Variants in AGMO observed in about 807,000 individuals in gnomAD.
AGMO encodes the protein alkylglycerol monooxygenase.
In AGMO, 75 loss-of-function variants were observed where a neutral mutation model predicts 60.2. The observed-to-expected ratio is 1.25, with a 90% CI of 1.03 to 1.51. The LOEUF (loss-of-function observed/expected upper bound fraction) is 1.51, where lower values mean the gene tolerates loss of function less well. Among genes scored for constraint, AGMO ranks in the 40% most tolerant of loss-of-function variants. AGMO has a pLI of 0.00. For synonymous variants in AGMO, 261 were observed against 177.1 expected (o/e 1.47, Z -3.76); for missense variants, 763 against 525.5 (o/e 1.45, Z -4.42).
chr7:15,376,215 G>A (rs1384669154), intron 10 of AGMO, among the ~76,000 whole-genome samples: 2 of 151,310 alleles, frequency 1.3e-5, no homozygotes, highest in Admixed American at 1.3e-4. Flanking sequence ...ACGTAACTTA[G>A]TTACCACCGA....
At chr7:15,266,219 T>G (rs1054752838) in intron 12 of AGMO, among the ~76,000 whole-genome samples, 2 of 152,026 alleles carry the variant, frequency 1.3e-5, no homozygotes, top group Non-Finnish European at 2.9e-5. Context: ...ATAGGTATTG[T>G]TTAATAGGGA....
chr7:15,381,519 A>G (rs1413187117), intron 10 of AGMO, among the ~76,000 whole-genome samples: 1 of 152,134 alleles, frequency 6.6e-6, no homozygotes, highest in African/African-American at 2.4e-5. Flanking sequence ...TAAAAACTCA[A>G]AAAATAACAT....
At chr7:15,228,160 C>T (rs2128498734) in intron 12 of AGMO, among the ~76,000 whole-genome samples, 1 of 152,014 alleles carries the variant, frequency 6.6e-6, no homozygotes, top group East Asian at 1.9e-4. Flanking sequence ...TATTTCTCTC[C>T]ACAGGAAATT....
At chr7:15,168,451 C>A in the AGMO span, among the ~76,000 whole-genome samples, 4 of 152,220 alleles carry the variant, frequency 2.6e-5, no homozygotes, top group Admixed American at 1.3e-4. Context: ...TAGGGCACCA[C>A]CTGGTCAGCC....
At chr7:15,252,553 C>G (rs1472337909) in intron 12 of AGMO, among the ~76,000 whole-genome samples, 3 of 152,150 alleles carry the variant, frequency 2.0e-5, no homozygotes, top group Admixed American at 6.6e-5. Flanking sequence ...GGCTCTCACT[C>G]TAATCCTATG....
In AGMO at chr7:15,201,131, A is replaced by T; in HGVS notation, c.*154T>A. On this transcript the variant is annotated 3_prime_UTR_variant, in exon 13 of 13. Coordinates refer to ENST00000342526, the MANE Select transcript of AGMO (RefSeq NM_001004320.2). ...TTTAATTTTTAATAGAAAATAACAA[A>T]TGTGAAAGGCAAACAATAGTAAATA... 2.1e-6 allele frequency: 1 copy of T among 480,392 alleles called. No individual in the cohort carries two copies. The highest frequency in any genetic ancestry group is 3.5e-6 in the Non-Finnish European group (1 of 286,266). The allele number at this position is 480,392 out of a possible 1,614,324, so 29.8% of individuals were successfully genotyped here. A position where few individuals can be genotyped will look rare whatever the true frequency, so the allele number is the denominator to read the frequency against.
At chr7:15,427,499 T>C (rs1781100084) in intron 4 of AGMO, among the ~76,000 whole-genome samples, 1 of 152,172 alleles carries the variant, frequency 6.6e-6, no homozygotes, top group Non-Finnish European at 1.5e-5. Context: ...TCCCTAATGT[T>C]CTTTTTCTGT....
At chr7:15,518,275 C>A (rs963472188) in intron 3 of AGMO, among the ~76,000 whole-genome samples, 1 of 152,174 alleles carries the variant, frequency 6.6e-6, no homozygotes, top group Non-Finnish European at 1.5e-5. Flanking sequence ...TGCCTGCTGG[C>A]TCTGAACAGA....
intron 3 of AGMO, among the ~76,000 whole-genome samples, chr7:15,525,120 G>A (rs1443899701): frequency 1.3e-5 from 2 of 151,974 alleles, no homozygotes; most frequent in Non-Finnish European, 2.9e-5. Context: ...TGGAGTTCAG[G>A]CACAGCAACT....
chr7:15,548,739 T>G (rs1018707888), intron 2 of AGMO, among the ~76,000 whole-genome samples: 7 of 152,106 alleles, frequency 4.6e-5, no homozygotes, highest in African/African-American at 1.7e-4. Context: ...TGGAAAACAC[T>G]CTGCAGGATA....
intron 12 of AGMO, among the ~76,000 whole-genome samples, chr7:15,357,126 A>G (rs1364466357): frequency 6.6e-6 from 1 of 151,836 alleles, no homozygotes. Context: ...AAAAAAAAGA[A>G]AAAAATAGAC....
intron 4 of AGMO, among the ~76,000 whole-genome samples, chr7:15,427,643 T>C (rs1166180815): frequency 2.6e-5 from 4 of 152,310 alleles, no homozygotes; most frequent in Non-Finnish European, 5.9e-5. Flanking sequence ...GATACTGTAA[T>C]ATTTTATATG....
chr7:15,531,622 A>ATATATATATTCTATATATATTC (rs1197472826), intron 3 of AGMO, among the ~76,000 whole-genome samples: 1 of 126,194 alleles, frequency 7.9e-6, no homozygotes, highest in Non-Finnish European at 1.6e-5. Context: ...TGTATATTCT[A>ATATATATATTCTATATATATTC]TATATATATT....
chr7:15,293,251 C>T (rs918869122), intron 12 of AGMO, among the ~76,000 whole-genome samples: 3 of 152,024 alleles, frequency 2.0e-5, no homozygotes, highest in Non-Finnish European at 2.9e-5. Flanking sequence ...CATTAGTAAA[C>T]GTCACTGAGG....
chr7:15,160,795 G>A, the AGMO span, among the ~76,000 whole-genome samples: 1 of 152,106 alleles, frequency 6.6e-6, no homozygotes, highest in South Asian at 2.1e-4. Flanking sequence ...TGCTGTGAAA[G>A]TATTTTTTAG....
chr7:15,185,477 C>G, the AGMO span, among the ~76,000 whole-genome samples: 1 of 152,140 alleles, frequency 6.6e-6, no homozygotes, highest in Non-Finnish European at 1.5e-5. Flanking sequence ...CCTGAACGTG[C>G]TTGACATCTC....
At chr7:15,347,395 T>A (rs531163341) in intron 12 of AGMO, among the ~76,000 whole-genome samples, 110 of 152,172 alleles carry the variant, frequency 7.2e-4, no homozygotes, top group Non-Finnish European at 1.1e-3. Flanking sequence ...TGACAACAGC[T>A]CCATTTATTT....
intron 3 of AGMO, among the ~76,000 whole-genome samples, chr7:15,540,021 T>C (rs1254463666): frequency 2.0e-5 from 3 of 152,180 alleles, no homozygotes; most frequent in Non-Finnish European, 4.4e-5. Flanking sequence ...GAAAAGTTAA[T>C]ATAAGGAATT....
rs1334225994 is a variant in AGMO at position 15,200,708 on chromosome 7, T to A, written c.*577A>T. On this transcript the variant is annotated 3_prime_UTR_variant, in exon 13 of 13. Coordinates refer to ENST00000342526, the MANE Select transcript of AGMO (RefSeq NM_001004320.2). ...CAGGACTTCACCATGTTGGCCAGGA[T>A]GGTCTCTATCTCTGGACCTCATGAT... The A allele has an allele frequency of 3.3e-5, 5 of 152,296 alleles. No individual in the cohort carries two copies. Among genetic ancestry groups the A allele is most frequent in the African/African-American group, 1.2e-4 (5 of 41,454 alleles). The allele number at this position is 152,296 out of a possible 1,614,324, so 9.4% of individuals were successfully genotyped here.
Sources: gnomAD v4.1 joint callset for allele counts (sites outside exome capture counted in the v4.1 genomes callset) on GRCh38, gnomAD v4.1.1 for gene constraint, MANE v1.5 for transcripts, NCBI Gene and HGNC (gene_info 2026-07-23, HGNC 2026-07-21) for gene names.